MFSD8: variants seen among roughly 807,000 people sequenced by gnomAD.
MFSD8 encodes the protein major facilitator superfamily domain containing 8.
A neutral mutation model predicts 66.4 loss-of-function variants in MFSD8; 55 were observed. The observed-to-expected ratio is 0.83, with a 90% CI of 0.67 to 1.04. MFSD8 has a LOEUF of 1.04. MFSD8 is among the 50% of genes least tolerant of loss of function. The pLI is 0.00. For synonymous variants in MFSD8, 202 were observed against 212.8 expected (o/e 0.95, Z 0.44); for missense variants, 550 against 627.6 (o/e 0.88, Z 1.32).
At chr4:127,937,607 A>C (rs1160873947) in intron 7 of MFSD8, among the ~76,000 whole-genome samples, 1 of 152,230 alleles carries the variant, frequency 6.6e-6, no homozygotes, top group East Asian at 1.9e-4. Context: ...GAAATTGTTT[A>C]AATTTGTTAC....
intron 7 of MFSD8, among the ~76,000 whole-genome samples, chr4:127,937,221 C>A (rs1739233726): frequency 6.6e-6 from 1 of 152,152 alleles, no homozygotes; most frequent in African/African-American, 2.4e-5. Context: ...TTTCTACTGT[C>A]AAAATTACAA....
intron 7 of MFSD8, among the ~76,000 whole-genome samples, chr4:127,936,263 G>C (rs1307930769): frequency 1.3e-5 from 2 of 151,974 alleles, no homozygotes; most frequent in African/African-American, 4.8e-5. Flanking sequence ...ACAGGCGCCT[G>C]CCATCACACC....
chr4:127,947,355 T>C (rs1269551435), intron 3 of MFSD8, among the ~76,000 whole-genome samples: 2 of 151,438 alleles, frequency 1.3e-5, no homozygotes, highest in Non-Finnish European at 2.9e-5. Flanking sequence ...CCGAGGTGGG[T>C]GGACCACCTG....
chr4:127,957,529 T>C lies in MFSD8; in HGVS notation c.126A>G (p.Leu42=), dbSNP rs1306853467. The C allele has an allele frequency of 1.9e-6, 3 of 1,611,088 alleles. No individual in the cohort carries two copies. In the South Asian group the frequency reaches 3.3e-5, roughly 18 times the overall value. Residue 42 remains leucine (L), a synonymous_variant, in exon 2 of 12, where the codon TTA becomes TTG. Transcript: ENST00000641686. ...YKSRWRSIRI[L]YLTMFLSSVG... ...CACTGCTGAGAAACATAGTAAGATA[T>C]AAAATCCTAATAGATCTCCATCGGC...
chr4:127,933,741 A>G (rs1266536851), intron 7 of MFSD8: 1 of 152,218 alleles, frequency 6.6e-6, no homozygotes, highest in Non-Finnish European at 1.5e-5. Context: ...CATACTAAAT[A>G]TATTTGCTTT....
At position 127,921,104 on chromosome 4, in the gene MFSD8, C is replaced by T. The variant is rs1392104710; in HGVS notation, c.1351-268G>A. ...TGATTAAAATACCTTTTAAAGCTAA[C>T]ATTTATTTTGTACCTGCTACATGCC... On this transcript the variant is annotated intron_variant, in intron 11 of 11. Transcript: ENST00000641686. The T allele has an allele frequency of 5.3e-6, 3 of 562,416 alleles. No homozygotes were observed. In the African/African-American group the frequency reaches 5.6e-5, roughly 11 times the overall value. The allele number at this position is 562,416 out of a possible 1,614,324, so 34.8% of individuals were successfully genotyped here.
chr4:127,945,451 G>A (rs981647529), intron 3 of MFSD8: 1 of 152,206 alleles, frequency 6.6e-6, no homozygotes, highest in African/African-American at 2.4e-5. Context: ...CCAAGTAGCT[G>A]AGATTACAGG....
intron 11 of MFSD8, 21 bp from the exon 12 acceptor site, chr4:127,920,857 G>A: frequency 3.1e-6 from 5 of 1,609,324 alleles, no homozygotes; most frequent in Non-Finnish European, 4.2e-6. Context: ...TGAAATGGAG[G>A]ACAAGCAGAT....
chr4:127,951,473 C>G (rs1191291851), intron 2 of MFSD8, among the ~76,000 whole-genome samples: 1 of 152,090 alleles, frequency 6.6e-6, no homozygotes, highest in Non-Finnish European at 1.5e-5. Context: ...AGGTGATCTG[C>G]CTGCCTTGCC....
At chr4:127,926,858 T>C (rs927015745) in intron 9 of MFSD8, among the ~76,000 whole-genome samples, 6 of 152,188 alleles carry the variant, frequency 3.9e-5, no homozygotes, top group African/African-American at 1.4e-4. Context: ...ACTCATTCAG[T>C]AGAAACCACA....
At chr4:127,959,551 T>C (rs1743410263) in intron 1 of MFSD8, among the ~76,000 whole-genome samples, 2 of 152,098 alleles carry the variant, frequency 1.3e-5, no homozygotes, top group South Asian at 4.1e-4. Context: ...TCTTGGGAGG[T>C]GCAAGCTGCA....
At chr4:127,965,294 G>C, upstream of MFSD8, 2 of 853,760 alleles carry the variant, frequency 2.3e-6, no homozygotes, top group Non-Finnish European at 3.8e-6. Flanking sequence ...GGGGTCACGC[G>C]GAAGGCCGGG....
chr4:127,931,128 T>G, intron 8 of MFSD8, among the ~76,000 whole-genome samples: 1 of 152,180 alleles, frequency 6.6e-6, no homozygotes, highest in South Asian at 2.1e-4. Flanking sequence ...TGCCTATCAT[T>G]CTAACATTAC....
At chr4:127,955,539 CAAAAA>C (rs34570244) in intron 2 of MFSD8, among the ~76,000 whole-genome samples, 2 of 102,616 alleles carry the variant, frequency 1.9e-5, no homozygotes, top group Non-Finnish European at 2.0e-5. Flanking sequence ...GACTTTGTCT[CAAAAA>C]AAAAAAAAAA....
intron 1 of MFSD8, among the ~76,000 whole-genome samples, chr4:127,961,036 G>A (rs990530678): frequency 1.3e-5 from 2 of 152,022 alleles, no homozygotes; most frequent in Non-Finnish European, 2.9e-5. Context: ...TCCAACCCCT[G>A]TTGTCTTAAA....
intron 4 of MFSD8, 139 bp downstream of exon 4, chr4:127,943,613 A>G: frequency 9.7e-7 from 1 of 1,033,498 alleles, no homozygotes; most frequent in Non-Finnish European, 1.4e-6. Flanking sequence ...GATAAGAAAA[A>G]TATTTGTTTA....
upstream of MFSD8, chr4:127,965,323 G>A: frequency 1.5e-6 from 1 of 688,916 alleles, no homozygotes; most frequent in Non-Finnish European, 2.5e-6. Flanking sequence ...GGCGAAAGGA[G>A]GCTGTGTCCT....
Position 127,943,109 on chromosome 4 carries a change from C to T in MFSD8, c.439+643G>A, listed in dbSNP as rs528031160. 2.4e-4 allele frequency among the ~76,000 whole-genome samples: 36 copies of T among 151,720 alleles called. 1 individual carries two copies. In the South Asian group the frequency reaches 6.3e-3, roughly 26 times the overall value. ...GCAGACGCCTGTAATCCCAGCTACTCGGGAGGCTGAGGCAGGAGAATTGCT... is the reference window on the plus strand; with the variant it reads ...GCAGACGCCTGTAATCCCAGCTACTTGGGAGGCTGAGGCAGGAGAATTGCT... On this transcript the variant is annotated intron_variant, in intron 4 of 11. Transcript: ENST00000641686.
intron 7 of MFSD8, among the ~76,000 whole-genome samples, 191 bp downstream of exon 7, chr4:127,938,592 A>AAAT (rs1560744654): frequency 3.0e-3 from 393 of 131,006 alleles, no homozygotes; most frequent in Non-Finnish European, 3.9e-3. Flanking sequence ...CAAAAAAAAA[A>AAAT]AAATAAATAA....
Sources: allele counts gnomAD v4.1 joint callset (sites outside exome capture counted in the v4.1 genomes callset), GRCh38; gene constraint gnomAD v4.1.1; transcripts MANE v1.5; gene names NCBI Gene and HGNC (gene_info 2026-07-23, HGNC 2026-07-21).